ERC2: variants seen among roughly 807,000 people sequenced by gnomAD.
ERC2 encodes ERC protein 2.
A neutral mutation model predicts 114.8 loss-of-function variants in ERC2; 42 were observed. The ratio of observed to expected loss-of-function variants is 0.37; its 90% CI spans 0.29 to 0.47. The LOEUF (loss-of-function observed/expected upper bound fraction) is 0.47, where lower values mean the gene tolerates loss of function less well. ERC2 is among the 20% of genes least tolerant of loss of function. The probability of loss-of-function intolerance (pLI) is 0.99; values close to 1 mark genes in which losing one functional copy is unlikely to be tolerated. For synonymous variants in ERC2, 454 were observed against 425.5 expected, an observed-to-expected ratio of 1.07 and a Z score of -0.82; for missense variants, 939 against 1,150.7, an observed-to-expected ratio of 0.82 and a Z score of 2.66.
intron 17 of ERC2, among the ~76,000 whole-genome samples, chr3:55,673,877 G>A (rs1475467676): frequency 6.6e-6 from 1 of 151,082 alleles, no homozygotes; most frequent in Non-Finnish European, 1.5e-5. Context: ...AGTGACTTCA[G>A]GGATCAAGGT....
chr3:55,947,878 T>C (rs1445413939), intron 13 of ERC2, among the ~76,000 whole-genome samples: 1 of 152,218 alleles, frequency 6.6e-6, no homozygotes, highest in Non-Finnish European at 1.5e-5. Context: ...CCAGACATCA[T>C]TATTTTTCCT....
intron 14 of ERC2, among the ~76,000 whole-genome samples, chr3:55,819,241 T>A (rs2168818): frequency 0.17 from 26,081 of 152,170 alleles, 2,528 homozygotes; most frequent in East Asian, 0.23. Flanking sequence ...GGTCACCGCT[T>A]TGAGTGAAAG....
At chr3:55,976,547 G>T (rs1387830511) in intron 12 of ERC2, among the ~76,000 whole-genome samples, 1 of 152,130 alleles carries the variant, frequency 6.6e-6, no homozygotes, top group Non-Finnish European at 1.5e-5. Flanking sequence ...TGCAGGCACT[G>T]GTTGGATAAG....
intron 1 of ERC2, among the ~76,000 whole-genome samples, chr3:56,456,933 A>C (rs930487582): frequency 7.5e-5 from 11 of 147,594 alleles, no homozygotes; most frequent in Non-Finnish European, 1.5e-4. Flanking sequence ...CTACTGTATA[A>C]TGTACAAAAG....
intron 14 of ERC2, among the ~76,000 whole-genome samples, chr3:55,862,900 G>A (rs188073379): frequency 1.1e-4 from 16 of 152,216 alleles, no homozygotes; most frequent in South Asian, 1.0e-3. Flanking sequence ...CATACTTGCC[G>A]TTGGTTGGGT....
chr3:55,752,123 G>A (rs1372631487), intron 14 of ERC2, among the ~76,000 whole-genome samples: 1 of 152,120 alleles, frequency 6.6e-6, no homozygotes, highest in Non-Finnish European at 1.5e-5. Context: ...TGACCTTCCT[G>A]GAAAGAAAAT....
chr3:55,806,589 G>A (rs2149113580), intron 14 of ERC2, among the ~76,000 whole-genome samples: 1 of 152,202 alleles, frequency 6.6e-6, no homozygotes, highest in African/African-American at 2.4e-5. Flanking sequence ...GCAATGTCTG[G>A]AGACATTTTT....
intron 13 of ERC2, among the ~76,000 whole-genome samples, chr3:55,894,030 C>T (rs2063733358): frequency 6.6e-6 from 1 of 152,082 alleles, no homozygotes. Context: ...TTAGTATATT[C>T]TTAACACAAG....
chr3:56,155,116 T>C (rs141057612), intron 4 of ERC2, among the ~76,000 whole-genome samples: 3 of 152,306 alleles, frequency 2.0e-5, no homozygotes, highest in African/African-American at 7.2e-5. Flanking sequence ...CACATATCTA[T>C]TACTTTTTTG....
intron 3 of ERC2, among the ~76,000 whole-genome samples, chr3:56,194,802 T>G (rs2047997792): frequency 6.6e-6 from 1 of 152,204 alleles, no homozygotes; most frequent in African/African-American, 2.4e-5. Flanking sequence ...ATGCAGTGCA[T>G]GACAGCAGGC....
At chr3:55,850,261 C>T (rs1474495078) in intron 14 of ERC2, among the ~76,000 whole-genome samples, 2 of 151,990 alleles carry the variant, frequency 1.3e-5, no homozygotes, top group East Asian at 1.9e-4. Flanking sequence ...ACATTAATTA[C>T]ATCTGAAAAG....
At chr3:56,369,469 A>G (rs2059278767) in intron 2 of ERC2, among the ~76,000 whole-genome samples, 1 of 152,198 alleles carries the variant, frequency 6.6e-6, no homozygotes, top group African/African-American at 2.4e-5. Context: ...ACAAAAAAGG[A>G]CTAATTATTA....
At chr3:56,345,887 T>C (rs1210673827) in intron 2 of ERC2, among the ~76,000 whole-genome samples, 1 of 152,238 alleles carries the variant, frequency 6.6e-6, no homozygotes, top group Non-Finnish European at 1.5e-5. Context: ...CTGAGAAGAC[T>C]GTGTTACTTC....
chr3:56,334,086 T>C (rs2057748637), intron 2 of ERC2, among the ~76,000 whole-genome samples: 1 of 152,196 alleles, frequency 6.6e-6, no homozygotes, highest in African/African-American at 2.4e-5. Flanking sequence ...ATGGGATCCA[T>C]GGTGTCATCT....
At chr3:56,281,286 A>C (rs928137401) in intron 3 of ERC2, among the ~76,000 whole-genome samples, 22 of 149,420 alleles carry the variant, frequency 1.5e-4, no homozygotes, top group Non-Finnish European at 1.3e-4. Context: ...AAATACAAAA[A>C]ATTAGCCGGG....
At chr3:55,838,106 AT>A (rs766379047) in intron 14 of ERC2, among the ~76,000 whole-genome samples, 84 of 152,166 alleles carry the variant, frequency 5.5e-4, no homozygotes, top group Admixed American at 2.1e-3. Flanking sequence ...AAAAAACATT[AT>A]TTTACTTTGG....
chr3:56,183,167 G>A (rs183455644), intron 3 of ERC2, among the ~76,000 whole-genome samples: 1 of 152,078 alleles, frequency 6.6e-6, no homozygotes, highest in Non-Finnish European at 1.5e-5. Flanking sequence ...GGCCACCAAG[G>A]AAAACCTCAG....
chr3:55,831,267 G>A (rs1033754822), intron 14 of ERC2, among the ~76,000 whole-genome samples: 21 of 148,894 alleles, frequency 1.4e-4, no homozygotes, highest in Admixed American at 4.0e-4. Context: ...AGTTGTGATG[G>A]TGCCACTGTA....
intron 2 of ERC2, among the ~76,000 whole-genome samples, chr3:56,301,693 C>G (rs1044116505): frequency 5.4e-5 from 8 of 146,874 alleles, no homozygotes; most frequent in Admixed American, 2.8e-4. Flanking sequence ...TAGGGAGACC[C>G]TGTATCTAAA....
Sources: allele counts gnomAD v4.1 joint callset (sites outside exome capture counted in the v4.1 genomes callset), GRCh38; gene constraint gnomAD v4.1.1; transcripts MANE v1.5; gene names NCBI Gene and HGNC (gene_info 2026-07-23, HGNC 2026-07-21).